The following FHIP2A variants were observed in gnomAD, a reference collection of about 807,000 sequenced individuals.
The protein encoded by FHIP2A is FHF complex subunit HOOK interacting protein 2A, also known as family with sequence similarity 160 member B1.
A neutral mutation model predicts 93.5 loss-of-function variants in FHIP2A; 46 were observed. The ratio of observed to expected loss-of-function variants is 0.49; its 90% confidence interval spans 0.39 to 0.63. FHIP2A has a LOEUF of 0.63. Among genes scored for constraint, FHIP2A ranks in the 20% least tolerant of loss-of-function variants. The probability of loss-of-function intolerance (pLI) is 0.00; values close to 1 mark genes in which losing one functional copy is unlikely to be tolerated. For missense variants in FHIP2A, 769 were observed against 909.7 expected, an observed-to-expected ratio of 0.85 and a Z score of 1.99; for synonymous variants, 332 against 326.5, an observed-to-expected ratio of 1.02 and a Z score of -0.18.
In FHIP2A at chr10:114,821,953, C is replaced by G. The variant is rs1348344084; in HGVS notation, c.-126C>G. Reference sequence around the variant, plus strand: ...CCAGGCCCTGCCTCGATCCTCAGCTCGTCCTCCCCGCCCCGCACCGGCCTT... The same window carrying G: ...CCAGGCCCTGCCTCGATCCTCAGCTGGTCCTCCCCGCCCCGCACCGGCCTT... On this transcript the variant is annotated 5_prime_UTR_variant, in exon 1 of 17. Coordinates refer to ENST00000369248, the MANE Select transcript of FHIP2A (RefSeq NM_020940.4). 20 of 466,564 alleles carry G rather than the reference C, an allele frequency of 4.3e-5. No individual in the cohort carries two copies. Among genetic ancestry groups the G allele is most frequent in the Non-Finnish European group, 6.7e-5 (20 of 298,204 alleles). The allele number at this position is 466,564 out of a possible 1,614,324, so 28.9% of individuals were successfully genotyped here.
At chr10:114,848,914 G>A (rs1354103597) in intron 13 of FHIP2A, among the ~76,000 whole-genome samples, 177 bp downstream of exon 13, 15 of 151,792 alleles carry the variant, frequency 9.9e-5, no homozygotes, top group African/African-American at 2.7e-4. Flanking sequence ...AGGCCGAAGC[G>A]GATGGATCAC....
chr10:114,894,575 T>A (rs993246206), intron 16 of FHIP2A, among the ~76,000 whole-genome samples: 1 of 152,002 alleles, frequency 6.6e-6, no homozygotes, highest in Non-Finnish European at 1.5e-5. Flanking sequence ...TCTCAAATCA[T>A]CCCTCAGATG....
chr10:114,877,386 C>T (rs1421129444), intron 16 of FHIP2A, among the ~76,000 whole-genome samples: 2 of 152,128 alleles, frequency 1.3e-5, no homozygotes, highest in South Asian at 2.1e-4. Context: ...AATATGGATA[C>T]GCTATTAAGC....
chr10:114,891,524 AAT>A (rs751741872), intron 16 of FHIP2A, among the ~76,000 whole-genome samples: 240 of 133,122 alleles, frequency 1.8e-3, no homozygotes, highest in African/African-American at 4.2e-3. Context: ...CACAAGGGTG[AAT>A]ATATATATAT....
intron 16 of FHIP2A, among the ~76,000 whole-genome samples, chr10:114,883,358 A>C (rs2083926467): frequency 6.6e-6 from 1 of 151,996 alleles, no homozygotes; most frequent in Non-Finnish European, 1.5e-5. Flanking sequence ...TTCTCTTCCT[A>C]TCCACATTGT....
rs2083805941 is a variant in FHIP2A at position 114,862,400 on chromosome 10, T to C, written c.*860T>C. The C allele has an allele frequency of 1.0e-6, 1 of 987,494 alleles. No individual in the cohort carries two copies. The highest frequency in any genetic ancestry group is 4.7e-5 in the South Asian group (1 of 21,382). The allele number at this position is 987,494 out of a possible 1,614,324, so 61.2% of individuals were successfully genotyped here. On this transcript the variant is annotated 3_prime_UTR_variant, in exon 17 of 17. Coordinates refer to ENST00000369248, the MANE Select transcript of FHIP2A (RefSeq NM_020940.4). ...AGAAAATTGCTTTATAAAATTGCTT[T>C]ATAATTTGATTTTCTTACTGAAACG...
intron 16 of FHIP2A, among the ~76,000 whole-genome samples, chr10:114,872,880 C>G (rs1344354849): frequency 6.6e-6 from 1 of 152,194 alleles, no homozygotes; most frequent in East Asian, 1.9e-4. Context: ...GGTCTATTTC[C>G]TGGTACCAAG....
intron 16 of FHIP2A, among the ~76,000 whole-genome samples, chr10:114,892,008 A>G (rs1415988090): frequency 6.6e-6 from 1 of 152,186 alleles, no homozygotes; most frequent in Non-Finnish European, 1.5e-5. Context: ...TAAATAAGAC[A>G]TTGGTAGAAG....
intron 3 of FHIP2A, among the ~76,000 whole-genome samples, chr10:114,834,627 ACT>A (rs1039988280): frequency 3.1e-4 from 47 of 152,278 alleles, no homozygotes; most frequent in African/African-American, 1.0e-3. Context: ...GTTAATTCAT[ACT>A]CTCTTAATCT....
At chr10:114,890,933 G>A (rs577131754) in intron 16 of FHIP2A, among the ~76,000 whole-genome samples, 6 of 151,314 alleles carry the variant, frequency 4.0e-5, no homozygotes, top group Admixed American at 2.6e-4. Context: ...GGTGGTTCAT[G>A]CCTGTAATCC....
chr10:114,857,391 A>G (rs927118940), intron 14 of FHIP2A, among the ~76,000 whole-genome samples: 8 of 143,558 alleles, frequency 5.6e-5, no homozygotes, highest in Non-Finnish European at 1.1e-4. Flanking sequence ...GCTCATTGCA[A>G]CCTCTCCCTC....
chr10:114,835,519 CT>C lies in FHIP2A; in HGVS notation c.295-12del. On this transcript the variant is annotated splice_polypyrimidine_tract_variant and intron_variant, in intron 3 of 16. Coordinates refer to ENST00000369248, the MANE Select transcript of FHIP2A (RefSeq NM_020940.4). ...TGTCTGTTGTTTTCCTGTTGGCTTC[CT>C]TTTTTCCTATACCCAGTGTCCTCCG... is the stretch of plus-strand genomic sequence containing the variant. 13 of 1,527,728 alleles carry C rather than the reference CT, an allele frequency of 8.5e-6. No homozygotes were observed. Among genetic ancestry groups the C allele is most frequent in the South Asian group, 1.1e-5 (1 of 88,122 alleles). 94.6% of individuals were successfully genotyped at this position (1,527,728 alleles called of 1,614,324 possible).
chr10:114,837,749 A>T (rs1295091660), intron 5 of FHIP2A, among the ~76,000 whole-genome samples: 1 of 152,072 alleles, frequency 6.6e-6, no homozygotes, highest in Non-Finnish European at 1.5e-5. Flanking sequence ...TTTCCATCCC[A>T]ATAGTTTTCT....
At chr10:114,898,773 T>G (rs2084012987) in intron 16 of FHIP2A, among the ~76,000 whole-genome samples, 1 of 152,238 alleles carries the variant, frequency 6.6e-6, no homozygotes, top group African/African-American at 2.4e-5. Flanking sequence ...AGGGTTATTA[T>G]GATGCTTAAA....
Position 114,862,126 on chromosome 10 carries a change from A to T in FHIP2A, c.*586A>T, listed in dbSNP as rs903954092. Reference sequence around the variant, plus strand: ...ACTTTCTTCAGCTTTTTTAAGAATAACAATTTAATATGATAAATTCTTGAT... The same window carrying T: ...ACTTTCTTCAGCTTTTTTAAGAATATCAATTTAATATGATAAATTCTTGAT... On this transcript the variant is annotated 3_prime_UTR_variant, in exon 17 of 17. Transcript: ENST00000369248. 1.1e-6 allele frequency: 1 copy of T among 917,888 alleles called. No homozygotes were observed. The highest frequency in any genetic ancestry group is 6.2e-5 in the Admixed American group (1 of 16,176). 56.9% of individuals were successfully genotyped at this position (917,888 alleles called of 1,614,324 possible).
chr10:114,861,121 A>G, intron 15 of FHIP2A, 110 bp from the exon 16 acceptor site: 1 of 1,405,306 alleles, frequency 7.1e-7, no homozygotes, highest in Non-Finnish European at 9.6e-7. Flanking sequence ...GAGTAGTGAA[A>G]GTTTACGTTC....
At chr10:114,825,993 AG>A (rs1478374639) in intron 1 of FHIP2A, among the ~76,000 whole-genome samples, 4 of 152,252 alleles carry the variant, frequency 2.6e-5, no homozygotes, top group Non-Finnish European at 5.9e-5. Flanking sequence ...TATAGTTAAG[AG>A]TTCATGATGA....
intron 14 of FHIP2A, among the ~76,000 whole-genome samples, chr10:114,857,476 A>T (rs1325215449): frequency 6.6e-6 from 1 of 150,416 alleles, no homozygotes; most frequent in African/African-American, 2.4e-5. Context: ...CGCCTGGCAA[A>T]TTTTTGTATT....
chr10:114,855,370 A>AT (rs200242541), intron 14 of FHIP2A, 30 bp downstream of exon 14: 756 of 1,528,264 alleles, frequency 4.9e-4, no homozygotes, highest in East Asian at 6.5e-4. Flanking sequence ...TAATTTTCAT[A>AT]TTTTTTTTTG....
Sources: gnomAD v4.1 joint callset for allele counts (sites outside exome capture counted in the v4.1 genomes callset) on GRCh38, gnomAD v4.1.1 for gene constraint, MANE v1.5 for transcripts, NCBI Gene and HGNC (gene_info 2026-07-23, HGNC 2026-07-21) for gene names.